The following PTPRK variants were observed in gnomAD, a reference collection of about 807,000 sequenced individuals.
PTPRK encodes the protein protein tyrosine phosphatase receptor type K.
A neutral mutation model predicts 178.0 loss-of-function variants in PTPRK; 75 were observed. The observed-to-expected ratio is 0.42, with a 90% CI of 0.35 to 0.51. PTPRK has a LOEUF of 0.51. Ranked by LOEUF, PTPRK falls within the 20% of genes least tolerant of loss-of-function variation. The pLI is 0.02. For synonymous variants in PTPRK, 637 were observed against 620.6 expected, an observed-to-expected ratio of 1.03 and a Z score of -0.39; for missense variants, 1,441 against 1,797.8, an observed-to-expected ratio of 0.80 and a Z score of 3.59.
chr6:128,267,962 G>T (rs2128296118), intron 3 of PTPRK, among the ~76,000 whole-genome samples: 1 of 152,054 alleles, frequency 6.6e-6, no homozygotes, highest in African/African-American at 2.4e-5. Context: ...ATTTTCTAGT[G>T]ATTATAAGAA....
In PTPRK at chr6:128,017,498, C is replaced by T. The variant is rs760215592; in HGVS notation, c.2195-8230G>A. ...ATGCTTTCATCTCAAAGATAATTTACATCTCCTACCAGTAGCTATGAGGTG... is the reference window on the plus strand; with the variant it reads ...ATGCTTTCATCTCAAAGATAATTTATATCTCCTACCAGTAGCTATGAGGTG... On this transcript the variant is annotated intron_variant, in intron 13 of 29. Transcript: ENST00000368226. Among the ~76,000 whole-genome samples the T allele has an allele frequency of 3.6e-4, 55 of 151,606 alleles. 1 individual carries two copies. The highest frequency in any genetic ancestry group is 1.5e-4 in the Non-Finnish European group (10 of 67,870).
intron 13 of PTPRK, among the ~76,000 whole-genome samples, chr6:128,046,595 C>T (rs866329548): frequency 1.1e-4 from 16 of 152,120 alleles, no homozygotes; most frequent in African/African-American, 3.1e-4. Context: ...TTTCCTTCAA[C>T]GTGCAGCAGA....
chr6:128,029,551 G>A (rs553846156), intron 13 of PTPRK, among the ~76,000 whole-genome samples: 74 of 151,274 alleles, frequency 4.9e-4, no homozygotes, highest in Non-Finnish European at 9.3e-4. Flanking sequence ...CTGGGGAGGC[G>A]AGGCAGAAAA....
In PTPRK at chr6:128,036,067, C is replaced by G. The variant is rs144063564; in HGVS notation, c.2195-26799G>C. On this transcript the variant is annotated intron_variant, in intron 13 of 29. Coordinates refer to ENST00000368226, the MANE Select transcript of PTPRK (RefSeq NM_002844.4). ...GGTAAATGGAATGGAATGGATTTTT[C>G]TTTTTCATAGTACAGAGGGTCTTAC... is the stretch of plus-strand genomic sequence containing the variant. 1.3e-3 allele frequency among the ~76,000 whole-genome samples: 200 copies of G among 152,144 alleles called. 1 individual carries two copies. Among genetic ancestry groups the G allele is most frequent in the Middle Eastern group, 6.8e-3 (2 of 294 alleles).
intron 7 of PTPRK, among the ~76,000 whole-genome samples, chr6:128,120,757 G>A (rs77583869): frequency 0.026 from 3,909 of 151,936 alleles, 76 homozygotes; most frequent in Middle Eastern, 0.092. Flanking sequence ...TTTTTTTAAG[G>A]AAGTATTTCA....
At chr6:128,395,494 G>A (rs1319234891) in intron 2 of PTPRK, among the ~76,000 whole-genome samples, 2 of 152,044 alleles carry the variant, frequency 1.3e-5, no homozygotes, top group Non-Finnish European at 2.9e-5. Context: ...AATTAGCAAT[G>A]GTAACATTTC....
At chr6:128,482,821 A>T (rs1223832942) in intron 1 of PTPRK, among the ~76,000 whole-genome samples, 1 of 152,170 alleles carries the variant, frequency 6.6e-6, no homozygotes, top group African/African-American at 2.4e-5. Flanking sequence ...TTCTGACAGG[A>T]GGGATCAGAT....
chr6:128,013,260 T>C (rs566163925), intron 13 of PTPRK, among the ~76,000 whole-genome samples: 15 of 151,490 alleles, frequency 9.9e-5, no homozygotes, highest in African/African-American at 3.6e-4. Flanking sequence ...CCCCTTTGAG[T>C]TCCTCAGGGA....
chr6:128,398,613 T>G (rs1164062148), intron 1 of PTPRK, among the ~76,000 whole-genome samples: 1 of 152,214 alleles, frequency 6.6e-6, no homozygotes, highest in Non-Finnish European at 1.5e-5. Flanking sequence ...TTAAAAGAAC[T>G]CTTTGAAATC....
At chr6:128,198,859 T>C (rs536135169) in intron 6 of PTPRK, among the ~76,000 whole-genome samples, 3 of 152,312 alleles carry the variant, frequency 2.0e-5, no homozygotes, top group African/African-American at 7.2e-5. Flanking sequence ...CTGTATATTG[T>C]TTGCCTTTGA....
intron 1 of PTPRK, among the ~76,000 whole-genome samples, chr6:128,435,102 A>AAGGAAGGAAGGC (rs1845397784): frequency 7.1e-5 from 5 of 70,386 alleles, no homozygotes; most frequent in Non-Finnish European, 1.1e-4. Flanking sequence ...GGAAGGAAGG[A>AAGGAAGGAAGGC]AGGAAGGCAG....
At chr6:128,361,173 C>T (rs1316105125) in intron 2 of PTPRK, among the ~76,000 whole-genome samples, 1 of 152,066 alleles carries the variant, frequency 6.6e-6, no homozygotes, top group Non-Finnish European at 1.5e-5. Context: ...AAACTCTATA[C>T]TTGGGTAGTC....
At chr6:128,255,029 C>T (rs1414206356) in intron 3 of PTPRK, among the ~76,000 whole-genome samples, 3 of 152,184 alleles carry the variant, frequency 2.0e-5, no homozygotes, top group South Asian at 2.1e-4. Context: ...CTTGCTCTAT[C>T]GCCCAGGCTG....
intron 5 of PTPRK, among the ~76,000 whole-genome samples, chr6:128,232,886 A>G (rs1812538637): frequency 6.6e-6 from 1 of 152,166 alleles, no homozygotes; most frequent in African/African-American, 2.4e-5. Flanking sequence ...CTTTTATTAT[A>G]TTGCATTGCA....
chr6:128,036,202 G>C (rs76218520), intron 13 of PTPRK, among the ~76,000 whole-genome samples: 2 of 152,162 alleles, frequency 1.3e-5, no homozygotes, highest in African/African-American at 4.8e-5. Context: ...TCCCAGGGCT[G>C]TGAGAGAATG....
At position 128,078,774 on chromosome 6, in the gene PTPRK, T is replaced by C. The variant is rs570799669; in HGVS notation, c.1883+39A>G. ...TTGGGCATCTTGGGATGTACATACC[T>C]GTGGATAAGGCAGAACTACTGTAGT... On this transcript the variant is annotated intron_variant, in intron 11 of 29. Coordinates refer to ENST00000368226, the MANE Select transcript of PTPRK (RefSeq NM_002844.4). 25 of 1,457,340 alleles carry C rather than the reference T, an allele frequency of 1.7e-5. 1 individual carries two copies. The South Asian group carries it at 2.9e-4, about 17-fold the overall frequency. 90.3% of individuals were successfully genotyped at this position (1,457,340 alleles called of 1,614,324 possible).
intron 29 of PTPRK, among the ~76,000 whole-genome samples, chr6:127,970,879 TTTTA>T (rs1773823642): frequency 6.6e-6 from 1 of 152,136 alleles, no homozygotes; most frequent in African/African-American, 2.4e-5. Context: ...ATTAAGTTGC[TTTTA>T]TTTTTTTCTC....
At chr6:128,295,154 T>C (rs1824086220) in intron 3 of PTPRK, among the ~76,000 whole-genome samples, 1 of 152,150 alleles carries the variant, frequency 6.6e-6, no homozygotes, top group African/African-American at 2.4e-5. Context: ...TGTGTCAACA[T>C]ATGAATACTT....
At position 128,329,382 on chromosome 6, in the gene PTPRK, A is replaced by AACACACACAC. The variant is rs149088868; in HGVS notation, c.224-7082_224-7073dup. 7.7e-3 allele frequency among the ~76,000 whole-genome samples: 1,125 copies of AACACACACAC among 145,720 alleles called. 14 individuals are homozygous for AACACACACAC. The highest frequency in any genetic ancestry group is 0.027 in the African/African-American group (1,065 of 40,106). ...TCCAGAGAAAAGGAATATATAGATA[A>AACACACACAC]ACACACACACACACACACACACACA... On this transcript the variant is annotated intron_variant, in intron 2 of 29. Transcript: ENST00000368226.
Sources: gnomAD v4.1 joint callset for allele counts (sites outside exome capture counted in the v4.1 genomes callset) on GRCh38, gnomAD v4.1.1 for gene constraint, MANE v1.5 for transcripts, NCBI Gene and HGNC (gene_info 2026-07-23, HGNC 2026-07-21) for gene names.